PIBF1: variants seen among roughly 807,000 people sequenced by gnomAD.
PIBF1 encodes progesterone-induced-blocking factor 1.
Under a neutral mutation model 112.5 loss-of-function variants are expected in PIBF1, and 90 were observed. The observed-to-expected ratio is 0.80, with a 90% CI of 0.67 to 0.95. The LOEUF (loss-of-function observed/expected upper bound fraction) is 0.95, where lower values mean the gene tolerates loss of function less well. Ranked by LOEUF, PIBF1 falls within the 40% of genes least tolerant of loss-of-function variation. PIBF1 has a pLI of 0.00. For synonymous variants in PIBF1, 301 were observed against 288.6 expected, an observed-to-expected ratio of 1.04 and a Z score of -0.44; for missense variants, 915 against 852.3, an observed-to-expected ratio of 1.07 and a Z score of -0.92.
rs555731324 is a variant in PIBF1 at position 72,869,820 on chromosome 13, C to T, written c.1322+15665C>T. Among the ~76,000 whole-genome samples, 139 of 151,038 alleles carry T rather than the reference C, an allele frequency of 9.2e-4. 3 individuals are homozygous for T. The highest frequency in any genetic ancestry group is 7.5e-3 in the South Asian group (36 of 4,792). On this transcript the variant is annotated intron_variant, in intron 10 of 17. Transcript: ENST00000326291. ...AACCCCCCACCTCCACACACACACA[C>T]ATATATATATATCTTTAATGATAGA...
intron 5 of PIBF1, among the ~76,000 whole-genome samples, chr13:72,810,293 C>G (rs1054806503): frequency 6.6e-6 from 1 of 152,044 alleles, no homozygotes; most frequent in African/African-American, 2.4e-5. Context: ...TTTTTCATAT[C>G]AAAAGGATGT....
chr13:72,896,294 A>G (rs1474672347), intron 11 of PIBF1, among the ~76,000 whole-genome samples: 2 of 152,178 alleles, frequency 1.3e-5, no homozygotes, highest in East Asian at 3.9e-4. Context: ...GAACAAAAGA[A>G]CCTGAACAAC....
chr13:72,789,751 G>A (rs776610558), intron 2 of PIBF1, among the ~76,000 whole-genome samples: 8 of 150,794 alleles, frequency 5.3e-5, no homozygotes, highest in Non-Finnish European at 1.2e-4. Flanking sequence ...GGGAATATTT[G>A]TGTTAGACCA....
At chr13:72,961,382 A>C (rs1033046003) in intron 14 of PIBF1, among the ~76,000 whole-genome samples, 3 of 152,156 alleles carry the variant, frequency 2.0e-5, no homozygotes, top group African/African-American at 7.2e-5. Flanking sequence ...AAAACCAAAA[A>C]ATTGATATGC....
At chr13:72,874,698 T>G (rs1487723858) in intron 10 of PIBF1, among the ~76,000 whole-genome samples, 1 of 152,128 alleles carries the variant, frequency 6.6e-6, no homozygotes, top group Admixed American at 6.5e-5. Flanking sequence ...ACTTGCACAC[T>G]TAAAATTAGT....
chr13:72,963,331 T>C lies in PIBF1; in HGVS notation c.1834-1943T>C, dbSNP rs113437637. ...ATTATCAGCCGGACCCAATGGCTCA[T>C]GCCTGTAATCCCAGCACTTTGGGAG... On this transcript the variant is annotated intron_variant, in intron 14 of 17. Coordinates refer to ENST00000326291, the MANE Select transcript of PIBF1 (RefSeq NM_006346.4). Among the ~76,000 whole-genome samples, 1,056 of 152,332 alleles carry C rather than the reference T, an allele frequency of 6.9e-3. 23 individuals carry two copies. Among genetic ancestry groups the C allele is most frequent in the African/African-American group, 0.024 (992 of 41,580 alleles).
chr13:72,928,030 T>TACATATATATATACATATATATAC (rs1566458738), intron 13 of PIBF1, among the ~76,000 whole-genome samples: 4 of 108,868 alleles, frequency 3.7e-5, no homozygotes, highest in African/African-American at 1.2e-4. Context: ...TATATACATA[T>TACATATATATATACATATATATAC]ATATATATAT....
At chr13:72,824,628 C>T (rs1032982327) in intron 6 of PIBF1, among the ~76,000 whole-genome samples, 3 of 152,026 alleles carry the variant, frequency 2.0e-5, no homozygotes, top group African/African-American at 7.2e-5. Context: ...TAAGAATGAC[C>T]ATTTTGTAGC....
At chr13:72,840,321 A>G (rs1160594967) in intron 9 of PIBF1, among the ~76,000 whole-genome samples, 1 of 152,182 alleles carries the variant, frequency 6.6e-6, no homozygotes, top group Non-Finnish European at 1.5e-5. Flanking sequence ...TTCCTGTTAT[A>G]AAACATGAAA....
intron 10 of PIBF1, among the ~76,000 whole-genome samples, chr13:72,888,559 T>C (rs2039942466): frequency 6.6e-6 from 1 of 152,170 alleles, no homozygotes; most frequent in Non-Finnish European, 1.5e-5. Context: ...TTTGAAGCAC[T>C]GTGTATAATG....
chr13:72,982,586 T>C (rs1292956908), intron 16 of PIBF1, among the ~76,000 whole-genome samples: 1 of 152,240 alleles, frequency 6.6e-6, no homozygotes. Flanking sequence ...ATTAAGCATC[T>C]GTCTTACCCA....
chr13:72,894,106 GTA>G (rs2040173040), intron 11 of PIBF1, among the ~76,000 whole-genome samples, 157 bp downstream of exon 11: 1 of 142,500 alleles, frequency 7.0e-6, no homozygotes, highest in Non-Finnish European at 1.5e-5. Flanking sequence ...TCAGAAAGAT[GTA>G]TACTGAAAAG....
chr13:72,897,235 T>G (rs1415317417), intron 11 of PIBF1, among the ~76,000 whole-genome samples: 1 of 152,188 alleles, frequency 6.6e-6, no homozygotes, highest in Non-Finnish European at 1.5e-5. Flanking sequence ...ACAGTCATTT[T>G]CAGATAAATA....
chr13:72,903,777 A>G (rs1054340088), intron 11 of PIBF1, among the ~76,000 whole-genome samples: 6 of 152,194 alleles, frequency 3.9e-5, no homozygotes, highest in Admixed American at 1.3e-4. Context: ...TTCTGCCCAA[A>G]TAGAATTTCT....
At chr13:72,895,817 G>A (rs2040260247) in intron 11 of PIBF1, among the ~76,000 whole-genome samples, 1 of 152,040 alleles carries the variant, frequency 6.6e-6, no homozygotes, top group Admixed American at 6.6e-5. Context: ...GAAGCGGACT[G>A]CTCCTGCAGG....
chr13:72,979,910 G>GC (rs914835747), intron 16 of PIBF1, among the ~76,000 whole-genome samples: 3 of 152,046 alleles, frequency 2.0e-5, no homozygotes, highest in African/African-American at 7.2e-5. Flanking sequence ...CAACGACAGA[G>GC]CAAGACTCTG....
intron 16 of PIBF1, among the ~76,000 whole-genome samples, chr13:72,977,255 A>G (rs959528768): frequency 6.6e-6 from 1 of 152,040 alleles, no homozygotes; most frequent in African/African-American, 2.4e-5. Context: ...CCCAGGCTGG[A>G]GTGCAGTGGC....
chr13:73,006,425 C>T (rs1354316467), intron 17 of PIBF1, among the ~76,000 whole-genome samples: 1 of 152,090 alleles, frequency 6.6e-6, no homozygotes, highest in Non-Finnish European at 1.5e-5. Context: ...GAGCATGGAA[C>T]GAAGCTGACT....
chr13:72,921,895 G>GT (rs1380267227), intron 13 of PIBF1, among the ~76,000 whole-genome samples: 2 of 152,176 alleles, frequency 1.3e-5, no homozygotes, highest in Non-Finnish European at 2.9e-5. Flanking sequence ...CACAATTTGA[G>GT]TTTTCATTTA....
Sources: gnomAD v4.1 joint callset for allele counts (sites outside exome capture counted in the v4.1 genomes callset) on GRCh38, gnomAD v4.1.1 for gene constraint, MANE v1.5 for transcripts, NCBI Gene and HGNC (gene_info 2026-07-23, HGNC 2026-07-21) for gene names.